Variants in DCDC2 observed in about 807,000 individuals in gnomAD.
DCDC2 encodes doublecortin domain containing 2.
In DCDC2, 40 loss-of-function variants were observed where a neutral mutation model predicts 50.2. That is an observed-to-expected ratio of 0.80 (90% CI 0.62 to 1.04). The LOEUF (loss-of-function observed/expected upper bound fraction) is 1.04, where lower values mean the gene tolerates loss of function less well. Among genes scored for constraint, DCDC2 ranks in the 50% least tolerant of loss-of-function variants. The pLI, the probability that DCDC2 is intolerant of heterozygous loss-of-function variation, is 0.00. For synonymous variants in DCDC2, 234 were observed against 210.6 expected (o/e 1.11, Z -0.96); for missense variants, 570 against 581.9 (o/e 0.98, Z 0.21).
Position 24,194,564 on chromosome 6 carries a change from T to A in DCDC2, c.1023+10438A>T, listed in dbSNP as rs201453610. Among the ~76,000 whole-genome samples, 54 of 152,348 alleles carry A rather than the reference T, an allele frequency of 3.5e-4. 1 individual carries two copies. In the South Asian group the frequency reaches 9.1e-3, roughly 26 times the overall value. ...GTTATTTCATAGTTACTGGTCTGTG[T>A]TTCTGAGATGGTGAATTCTCTTGCC... On this transcript the variant is annotated intron_variant, in intron 8 of 9. Coordinates refer to ENST00000378454, the MANE Select transcript of DCDC2 (RefSeq NM_016356.5).
chr6:24,304,735 C>A (rs1277980562), intron 2 of DCDC2, among the ~76,000 whole-genome samples: 1 of 152,094 alleles, frequency 6.6e-6, no homozygotes. Flanking sequence ...TTCTTCAGCA[C>A]CTTGCTTTTT....
At chr6:24,382,507 T>C in the DCDC2 span, among the ~76,000 whole-genome samples, 13 of 152,154 alleles carry the variant, frequency 8.5e-5, no homozygotes, top group Admixed American at 4.6e-4. Flanking sequence ...TACAAATTAT[T>C]ATCAGATTTC....
At chr6:24,314,419 G>C (rs895713672) in intron 2 of DCDC2, among the ~76,000 whole-genome samples, 2 of 152,044 alleles carry the variant, frequency 1.3e-5, no homozygotes, top group African/African-American at 4.8e-5. Context: ...GTTGAAATGA[G>C]CTATGATCAT....
intron 7 of DCDC2, among the ~76,000 whole-genome samples, chr6:24,245,998 T>A (rs1415476468): frequency 6.6e-6 from 1 of 152,156 alleles, no homozygotes; most frequent in African/African-American, 2.4e-5. Context: ...TTATTTATTT[T>A]TATTTTTATT....
chr6:24,280,582 G>A (rs1190126562), intron 6 of DCDC2, among the ~76,000 whole-genome samples: 1 of 151,900 alleles, frequency 6.6e-6, no homozygotes, highest in African/African-American at 2.4e-5. Context: ...TGTCATCCAG[G>A]CTGGAGTAAA....
intron 7 of DCDC2, among the ~76,000 whole-genome samples, chr6:24,242,511 C>T (rs1040473551): frequency 1.3e-5 from 2 of 152,190 alleles, no homozygotes; most frequent in African/African-American, 4.8e-5. Context: ...CCCACCTCTC[C>T]GTGTCCTCCC....
intron 7 of DCDC2, among the ~76,000 whole-genome samples, chr6:24,241,079 G>A (rs75566551): frequency 0.046 from 6,973 of 152,220 alleles, 183 homozygotes; most frequent in African/African-American, 0.062. Context: ...GAATACAGGC[G>A]GAAGTTTTAC....
At chr6:24,381,025 C>T in the DCDC2 span, among the ~76,000 whole-genome samples, 2 of 149,902 alleles carry the variant, frequency 1.3e-5, no homozygotes, top group Non-Finnish European at 3.0e-5. Flanking sequence ...GAGGCTTTAG[C>T]GAGCCATGAT....
In DCDC2 at chr6:24,270,723, T is replaced by C. The variant is rs556165290; in HGVS notation, c.922+7326A>G. ...CCCTCCACCCTGTCACCCTCTATGA[T>C]AGGCATCTCACCAACATTCATGACA... On this transcript the variant is annotated intron_variant, in intron 7 of 9. Transcript: ENST00000378454. Among the ~76,000 whole-genome samples the C allele has an allele frequency of 4.6e-5, 7 of 152,248 alleles. No individual in the cohort carries two copies. In the East Asian group the frequency reaches 1.4e-3, roughly 29 times the overall value.
chr6:24,174,983 C>G (rs1760870911), intron 9 of DCDC2, 149 bp from the exon 10 acceptor site: 1 of 466,680 alleles, frequency 2.1e-6, no homozygotes, highest in Non-Finnish European at 3.6e-6. Flanking sequence ...GTTTTTTTGT[C>G]TATCATTACC....
In DCDC2 at chr6:24,357,550, GGT is replaced by G; in HGVS notation, c.199_200del (p.Thr67ProfsTer47). ...TCCGGATTCGGTGGCCAGTCCGCGGGGTGTAGATGTTCCTGACGGCCCCAAAG... is the reference window on the plus strand; with the variant it reads ...TCCGGATTCGGTGGCCAGTCCGCGGGGTAGATGTTCCTGACGGCCCCAAAG... ...APFGAVRNIYTPRTGHRIRKL... is the reference protein window; with the variant it reads ...APFGAVRNIYXPRTGHRIRKL... On this transcript the variant is annotated frameshift_variant, in exon 1 of 10. Transcript: ENST00000378454. LOFTEE classifies it high-confidence loss of function. 6.2e-7 allele frequency: 1 copy of G among 1,613,530 alleles called. No homozygotes were observed. The highest frequency in any genetic ancestry group is 8.5e-7 in the Non-Finnish European group (1 of 1,180,034).
intron 2 of DCDC2, among the ~76,000 whole-genome samples, chr6:24,310,313 TA>T (rs1438325053): frequency 6.6e-6 from 1 of 152,282 alleles, no homozygotes; most frequent in African/African-American, 2.4e-5. Context: ...TAAGTATTGT[TA>T]ATCTGAAATA....
intron 2 of DCDC2, among the ~76,000 whole-genome samples, chr6:24,343,279 G>A (rs974348676): frequency 1.3e-5 from 2 of 151,958 alleles, no homozygotes; most frequent in African/African-American, 4.8e-5. Flanking sequence ...TCGATCTCCT[G>A]ACTTCGTGAT....
upstream of DCDC2, among the ~76,000 whole-genome samples, chr6:24,360,202 G>A (rs1760642886): frequency 6.6e-6 from 1 of 152,236 alleles, no homozygotes. Context: ...AACCAGGCCT[G>A]GCTTGCGCCT....
At chr6:24,371,183 G>A in the DCDC2 span, among the ~76,000 whole-genome samples, 449 of 151,334 alleles carry the variant, frequency 3.0e-3, 3 homozygotes, top group South Asian at 8.8e-3. Context: ...AGGCTGAGGC[G>A]GGAGAATCGT....
chr6:24,255,017 AAAG>A (rs554910299), intron 7 of DCDC2, among the ~76,000 whole-genome samples: 1 of 152,150 alleles, frequency 6.6e-6, no homozygotes, highest in Non-Finnish European at 1.5e-5. Flanking sequence ...AAGAAATCTT[AAAG>A]AAGAACTGAA....
intron 2 of DCDC2, among the ~76,000 whole-genome samples, chr6:24,308,946 G>C (rs1759523718): frequency 1.3e-5 from 2 of 152,052 alleles, no homozygotes; most frequent in South Asian, 4.1e-4. Flanking sequence ...AAATCACAAA[G>C]GAAGTTCTTC....
intron 2 of DCDC2, among the ~76,000 whole-genome samples, chr6:24,316,199 T>A (rs1349932236): frequency 6.6e-6 from 1 of 152,112 alleles, no homozygotes; most frequent in Non-Finnish European, 1.5e-5. Context: ...AAGTCAGGGC[T>A]AGAGACACAG....
At chr6:24,185,726 C>T (rs1360578040) in intron 8 of DCDC2, among the ~76,000 whole-genome samples, 8 of 134,996 alleles carry the variant, frequency 5.9e-5, no homozygotes, top group Middle Eastern at 3.6e-3. Flanking sequence ...CACACACACA[C>T]ATATACACAC....
Sources: gnomAD v4.1 joint callset for allele counts (sites outside exome capture counted in the v4.1 genomes callset) on GRCh38, gnomAD v4.1.1 for gene constraint, MANE v1.5 for transcripts, NCBI Gene and HGNC (gene_info 2026-07-23, HGNC 2026-07-21) for gene names.